SYTL2: variants seen among roughly 807,000 people sequenced by gnomAD.
SYTL2 encodes the protein synaptotagmin like 2.
In SYTL2, 165 loss-of-function variants were observed where a neutral mutation model predicts 198.7. That is an observed-to-expected ratio of 0.83 (90% CI 0.73 to 0.94). The LOEUF is 0.94. Ranked by LOEUF, SYTL2 falls within the 40% of genes least tolerant of loss-of-function variation. The pLI is 0.00. For missense variants in SYTL2, 2,835 were observed against 2,582.8 expected (o/e 1.10, Z -2.12); for synonymous variants, 966 against 917.7 (o/e 1.05, Z -0.95).
At chr11:85,709,026 G>C (rs2085758724) in intron 14 of SYTL2, among the ~76,000 whole-genome samples, 1 of 151,750 alleles carries the variant, frequency 6.6e-6, no homozygotes, top group African/African-American at 2.4e-5. Flanking sequence ...TTTTAGTAGA[G>C]ATGGGGTTTC....
At chr11:85,786,645 G>A (rs559488025) in intron 1 of SYTL2, among the ~76,000 whole-genome samples, 1 of 152,254 alleles carries the variant, frequency 6.6e-6, no homozygotes, top group South Asian at 2.1e-4. Flanking sequence ...GTGTGTGCAT[G>A]GCAGGTCGAG....
the SYTL2 span, chr11:85,854,296 A>T: frequency 6.6e-5 from 10 of 151,702 alleles, no homozygotes; most frequent in Admixed American, 4.0e-4. Context: ...CATTAAAAAA[A>T]AAAAAAGTTG....
intron 1 of SYTL2, among the ~76,000 whole-genome samples, chr11:85,785,176 A>G (rs1046922269): frequency 6.6e-6 from 1 of 152,312 alleles, no homozygotes; most frequent in East Asian, 1.9e-4. Context: ...TAAGAGCTGG[A>G]AGGCAAAACA....
chr11:85,757,509 TA>T, intron 2 of SYTL2, 115 bp downstream of exon 2: 1 of 1,188,972 alleles, frequency 8.4e-7, no homozygotes, highest in East Asian at 2.4e-5. Flanking sequence ...TTGGAATCCA[TA>T]AATTCAGTCT....
chr11:85,746,369 C>G (rs919010804), intron 3 of SYTL2, among the ~76,000 whole-genome samples: 2 of 152,148 alleles, frequency 1.3e-5, no homozygotes, highest in Non-Finnish European at 2.9e-5. Context: ...AGAAAATAAC[C>G]TCTTTTGCCT....
At chr11:85,825,533 G>A in the SYTL2 span, among the ~76,000 whole-genome samples, 1 of 152,222 alleles carries the variant, frequency 6.6e-6, no homozygotes, top group African/African-American at 2.4e-5. Flanking sequence ...ACCCCACAGG[G>A]GATGGGTAGG....
the SYTL2 span, chr11:85,854,412 AG>A: frequency 2.0e-5 from 3 of 152,264 alleles, no homozygotes; most frequent in East Asian, 5.8e-4. Context: ...CTGTACGTGT[AG>A]GATTTTCTTT....
chr11:85,760,382 T>C (rs1391547806), intron 1 of SYTL2, among the ~76,000 whole-genome samples: 1 of 152,228 alleles, frequency 6.6e-6, no homozygotes, highest in East Asian at 1.9e-4. Flanking sequence ...GCTGTGATGA[T>C]CTACTCTCAG....
intron 4 of SYTL2, among the ~76,000 whole-genome samples, chr11:85,742,078 G>A (rs1234848350): frequency 6.6e-6 from 1 of 152,130 alleles, no homozygotes; most frequent in Non-Finnish European, 1.5e-5. Context: ...ACTCATTTGG[G>A]AGACATTCTC....
intron 4 of SYTL2, among the ~76,000 whole-genome samples, chr11:85,742,644 G>T (rs1174400033): frequency 3.3e-5 from 5 of 152,118 alleles, no homozygotes; most frequent in Non-Finnish European, 7.4e-5. Context: ...TCTTTTGCAT[G>T]CCACTGTTGT....
the SYTL2 span, among the ~76,000 whole-genome samples, chr11:85,839,792 A>G: frequency 3.8e-3 from 572 of 152,304 alleles, 2 homozygotes; most frequent in South Asian, 7.0e-3. Context: ...TCTTTTGAGT[A>G]TATACCCAGC....
rs567870911 is a variant in SYTL2 at position 85,724,463 on chromosome 11, A to C, written c.4895T>G (p.Val1632Gly). Residue 1632 changes from valine (V) to glycine (G), a missense_variant, in exon 8 of 20, where the codon GTC becomes GGC. Physicochemically the swap from Val to Gly is moderately radical, Grantham distance 109. Around this residue, in one of 3 missense-constraint regions of SYTL2, gnomAD observed 2,645 missense variants for 2,381.7 expected, o/e 1.11. Coordinates refer to ENST00000359152, the MANE Select transcript of SYTL2 (RefSeq NM_206927.4). ...KDKSNGLESQVNQCDKMLGGD... is the reference protein window; with the variant it reads ...KDKSNGLESQGNQCDKMLGGD... ...TCCCAACATTTTATCACATTGGTTG[A>C]CTTGAGATTCCAAACCATTACTTTT... The C allele has an allele frequency of 1.9e-6, 3 of 1,613,032 alleles. No individual in the cohort carries two copies.
rs531036818 is a variant in SYTL2, at chr11:85,700,445, G to A, written c.6268+70C>T. On this transcript the variant is annotated intron_variant, in intron 17 of 19. Transcript: ENST00000359152. Reference sequence around the variant, plus strand: ...TCTTTAGGGCCTCACCTTTGAAAACGCATAGTAAATACTGTGAGAAGGGAG... The same window carrying A: ...TCTTTAGGGCCTCACCTTTGAAAACACATAGTAAATACTGTGAGAAGGGAG... 47 of 1,253,272 alleles carry A rather than the reference G, an allele frequency of 3.8e-5. No homozygotes were observed. In the East Asian group the frequency reaches 8.1e-4, roughly 22 times the overall value. The allele number at this position is 1,253,272 out of a possible 1,614,324, so 77.6% of individuals were successfully genotyped here.
chr11:85,832,567 C>G, the SYTL2 span, among the ~76,000 whole-genome samples: 1 of 152,030 alleles, frequency 6.6e-6, no homozygotes, highest in African/African-American at 2.4e-5. Context: ...GTCATGAATG[C>G]TATGAGAAGA....
chr11:85,702,970 A>G (rs1257376549), intron 16 of SYTL2, among the ~76,000 whole-genome samples: 1 of 152,234 alleles, frequency 6.6e-6, no homozygotes, highest in African/African-American at 2.4e-5. Context: ...AAAAGAAAAT[A>G]TGCTTTCGAA....
intron 1 of SYTL2, among the ~76,000 whole-genome samples, chr11:85,772,608 C>T (rs2092378248): frequency 6.6e-6 from 1 of 152,188 alleles, no homozygotes; most frequent in African/African-American, 2.4e-5. Flanking sequence ...AATGACCAAC[C>T]ATATCTAAAA....
intron 19 of SYTL2, 117 bp from the exon 20 acceptor site, chr11:85,695,457 G>C (rs1442180117): frequency 1.3e-6 from 1 of 751,904 alleles, no homozygotes; most frequent in Non-Finnish European, 2.1e-6. Context: ...TTTCTTCACT[G>C]GGAGGGCAGA....
intron 1 of SYTL2, among the ~76,000 whole-genome samples, chr11:85,799,089 C>G (rs560640209): frequency 6.6e-6 from 1 of 152,200 alleles, no homozygotes; most frequent in Admixed American, 6.5e-5. Flanking sequence ...TAATTGATAA[C>G]TGCCCATTGA....
chr11:85,810,667 C>A (rs1301509872), intron 1 of SYTL2, among the ~76,000 whole-genome samples: 1 of 152,136 alleles, frequency 6.6e-6, no homozygotes, highest in Non-Finnish European at 1.5e-5. Context: ...CCCTGAAAGC[C>A]CTAGAAAACG....
Sources: gnomAD v4.1 joint callset for allele counts (sites outside exome capture counted in the v4.1 genomes callset) on GRCh38, gnomAD v4.1.1 for gene constraint, gnomAD v4.1.1 regional missense constraint, MANE v1.5 for transcripts, NCBI Gene and HGNC (gene_info 2026-07-23, HGNC 2026-07-21) for gene names.